The following GRM7 variants were observed in gnomAD, a reference collection of about 807,000 sequenced individuals.
GRM7 encodes metabotropic glutamate receptor 7.
Under a neutral mutation model 84.5 loss-of-function variants are expected in GRM7, and 35 were observed. The observed-to-expected ratio is 0.41, with a 90% CI of 0.32 to 0.55. GRM7 has a LOEUF of 0.55. Among genes scored for constraint, GRM7 ranks in the 20% least tolerant of loss-of-function variants. The pLI is 0.19. For synonymous variants in GRM7, 487 were observed against 455.1 expected (o/e 1.07, Z -0.89); for missense variants, 1,003 against 1,194.6 (o/e 0.84, Z 2.36).
chr3:7,385,549 C>G (rs1383028849), intron 4 of GRM7, among the ~76,000 whole-genome samples: 3 of 152,048 alleles, frequency 2.0e-5, no homozygotes, highest in African/African-American at 4.8e-5. Flanking sequence ...ATCCACGCAC[C>G]TCGGCCTCCG....
At chr3:6,906,823 A>G (rs535430694) in intron 1 of GRM7, among the ~76,000 whole-genome samples, 49 of 152,326 alleles carry the variant, frequency 3.2e-4, no homozygotes, top group African/African-American at 1.1e-3. Flanking sequence ...GTTTCTCTAA[A>G]TATAAATTAA....
chr3:7,675,878 A>T (rs1001201414), intron 8 of GRM7, among the ~76,000 whole-genome samples: 1 of 152,200 alleles, frequency 6.6e-6, no homozygotes, highest in Non-Finnish European at 1.5e-5. Flanking sequence ...CCATTTTCAT[A>T]TATTAATTGG....
intron 7 of GRM7, among the ~76,000 whole-genome samples, chr3:7,577,843 G>A (rs1447320188): frequency 1.1e-4 from 16 of 152,168 alleles, no homozygotes; most frequent in African/African-American, 3.9e-4. Flanking sequence ...AAAGTTCTCA[G>A]TGAAAATGAC....
intron 4 of GRM7, among the ~76,000 whole-genome samples, chr3:7,309,646 G>T (rs899446303): frequency 6.6e-6 from 1 of 152,108 alleles, no homozygotes; most frequent in African/African-American, 2.4e-5. Flanking sequence ...TTCAAAATAA[G>T]CAGAAATTGT....
At chr3:7,354,071 C>T (rs1359431256) in intron 4 of GRM7, among the ~76,000 whole-genome samples, 1 of 148,262 alleles carries the variant, frequency 6.7e-6, no homozygotes, top group South Asian at 2.1e-4. Flanking sequence ...GACCCAGAAT[C>T]CCTGGAATAA....
chr3:7,064,521 C>CATATATATATATATAT (rs1697576131), intron 1 of GRM7, among the ~76,000 whole-genome samples: 2 of 96,416 alleles, frequency 2.1e-5, no homozygotes, highest in African/African-American at 5.1e-5. Flanking sequence ...TATATATACA[C>CATATATATATATATAT]ACACACACAC....
intron 2 of GRM7, among the ~76,000 whole-genome samples, chr3:7,252,763 A>C (rs1490748792): frequency 6.9e-6 from 1 of 145,018 alleles, no homozygotes; most frequent in African/African-American, 2.6e-5. Context: ...ATCTCGGCTC[A>C]CTGCAACCTC....
At chr3:7,691,915 TC>T (rs1330557213) in intron 9 of GRM7, among the ~76,000 whole-genome samples, 1 of 152,162 alleles carries the variant, frequency 6.6e-6, no homozygotes, top group Admixed American at 6.5e-5. Flanking sequence ...CACCTCAGCC[TC>T]CCAAAGTGCT....
intron 1 of GRM7, among the ~76,000 whole-genome samples, chr3:7,137,824 A>C (rs774203079): frequency 1.6e-4 from 25 of 152,202 alleles, no homozygotes; most frequent in Non-Finnish European, 3.5e-4. Flanking sequence ...TGTGAATGCC[A>C]TATAGACTCC....
chr3:7,028,763 G>T (rs190191766), intron 1 of GRM7, among the ~76,000 whole-genome samples: 1 of 152,230 alleles, frequency 6.6e-6, no homozygotes, highest in African/African-American at 2.4e-5. Context: ...TATCACTACA[G>T]ACCTATTAGA....
intron 4 of GRM7, among the ~76,000 whole-genome samples, chr3:7,362,104 G>A (rs928251958): frequency 3.9e-5 from 6 of 152,026 alleles, no homozygotes; most frequent in African/African-American, 1.4e-4. Flanking sequence ...AATGAAAAGT[G>A]GAAACCAGAA....
chr3:7,563,190 A>G (rs1660978919), intron 7 of GRM7, among the ~76,000 whole-genome samples: 1 of 152,128 alleles, frequency 6.6e-6, no homozygotes. Context: ...ATTTAGTTTC[A>G]GTGATTTAAG....
chr3:7,403,791 ATATATG>A (rs960973282), intron 4 of GRM7, among the ~76,000 whole-genome samples: 5 of 151,232 alleles, frequency 3.3e-5, no homozygotes, highest in Admixed American at 2.0e-4. Flanking sequence ...ATATATGTGA[ATATATG>A]TATATATATA....
chr3:6,867,356 T>C lies in GRM7; in HGVS notation c.519+5449T>C, dbSNP rs151277891. ...ACTCGATGTCCTTCTCTTCCCAACA[T>C]TTACTGTAATTGATTTCAGCCTTTG... On this transcript the variant is annotated intron_variant, in intron 1 of 9. Coordinates refer to ENST00000357716, the MANE Select transcript of GRM7 (RefSeq NM_000844.4). Among the ~76,000 whole-genome samples, 9 of 152,264 alleles carry C rather than the reference T, an allele frequency of 5.9e-5. 1 individual carries two copies. In the East Asian group the frequency reaches 1.7e-3, roughly 29 times the overall value.
At chr3:7,652,243 A>G (rs1440490192) in intron 8 of GRM7, among the ~76,000 whole-genome samples, 1 of 152,180 alleles carries the variant, frequency 6.6e-6, no homozygotes, top group Admixed American at 6.5e-5. Flanking sequence ...GACACAGGTA[A>G]AAACAGGACC....
chr3:7,461,562 C>G (rs1007827735), intron 6 of GRM7, 21 bp from the exon 7 acceptor site: 10 of 1,599,926 alleles, frequency 6.3e-6, no homozygotes, highest in Non-Finnish European at 8.6e-6. Flanking sequence ...TAGAATCTTT[C>G]ATTTTTTCTG....
At chr3:7,106,349 T>G (rs534857418) in intron 1 of GRM7, among the ~76,000 whole-genome samples, 25 of 151,972 alleles carry the variant, frequency 1.6e-4, no homozygotes, top group Admixed American at 5.3e-4. Context: ...TTTTTTTTTC[T>G]TATTTTCTGG....
At chr3:7,215,039 A>G (rs1188876763) in intron 2 of GRM7, among the ~76,000 whole-genome samples, 1 of 152,208 alleles carries the variant, frequency 6.6e-6, no homozygotes, top group Non-Finnish European at 1.5e-5. Context: ...CTTGTTATGT[A>G]TTTGAAAAAG....
At chr3:7,565,728 G>A (rs1038974080) in intron 7 of GRM7, among the ~76,000 whole-genome samples, 1 of 152,178 alleles carries the variant, frequency 6.6e-6, no homozygotes, top group African/African-American at 2.4e-5. Context: ...GCTGGATGTT[G>A]TGCAATAATT....
Sources: allele counts gnomAD v4.1 joint callset (sites outside exome capture counted in the v4.1 genomes callset), GRCh38; gene constraint gnomAD v4.1.1; transcripts MANE v1.5; gene names NCBI Gene and HGNC (gene_info 2026-07-23, HGNC 2026-07-21).